Variants in GRM5 observed in about 807,000 individuals in gnomAD.
GRM5 encodes the protein metabotropic glutamate receptor 5.
Under a neutral mutation model 83.1 loss-of-function variants are expected in GRM5, and 19 were observed. The observed-to-expected ratio is 0.23, with a 90% CI of 0.16 to 0.34. The LOEUF is 0.34. GRM5 is among the 10% of genes least tolerant of loss of function. The pLI, the probability that GRM5 is intolerant of heterozygous loss-of-function variation, is 1.00. For missense variants in GRM5, 1,160 were observed against 1,588.3 expected (o/e 0.73, Z 4.58); for synonymous variants, 675 against 633.6 (o/e 1.07, Z -0.98).
chr11:88,843,045 T>A (rs1354529566), intron 3 of GRM5, among the ~76,000 whole-genome samples: 8 of 152,172 alleles, frequency 5.3e-5, no homozygotes, highest in African/African-American at 1.9e-4. Context: ...TAGAAGAAAA[T>A]TATGGACATG....
In GRM5 at chr11:88,802,101, T is replaced by C. The variant is rs79694105; in HGVS notation, c.911+47805A>G. Among the ~76,000 whole-genome samples the C allele has an allele frequency of 7.0e-3, 1,061 of 152,222 alleles. 14 individuals are homozygous for C. The highest frequency in any genetic ancestry group is 0.024 in the African/African-American group (1,001 of 41,552). On this transcript the variant is annotated intron_variant, in intron 3 of 9. Transcript: ENST00000305447. ...TCTATTTTTCCTGGGTTTCTTTGAT[T>C]TTATGCTTGCTTTCAAATCTTGCAG...
chr11:88,809,252 T>C (rs12272663), intron 3 of GRM5, among the ~76,000 whole-genome samples: 3,878 of 152,150 alleles, frequency 0.025, 174 homozygotes, highest in African/African-American at 0.089. Flanking sequence ...TAAGTCACTG[T>C]ATTTTCTTAT....
In GRM5 at chr11:88,690,573, GATAGGTAA is replaced by G. The variant is rs1403616200; in HGVS notation, c.912-37178_912-37171del. ...CTAAGGATCATCATAATTTGGCATT[GATAGGTAA>G]ATAACTAAATTCTGAAAACTGCTGA... On this transcript the variant is annotated intron_variant, in intron 3 of 9. Transcript: ENST00000305447. Among the ~76,000 whole-genome samples, 7 of 152,116 alleles carry G rather than the reference GATAGGTAA, an allele frequency of 4.6e-5. 1 individual carries two copies. The East Asian group carries it at 1.4e-3, about 29-fold the overall frequency.
At chr11:88,732,094 G>A (rs915746394) in intron 3 of GRM5, among the ~76,000 whole-genome samples, 16 of 152,008 alleles carry the variant, frequency 1.1e-4, no homozygotes, top group African/African-American at 3.4e-4. Flanking sequence ...CACCAACTTT[G>A]ACCACTCCTT....
intron 8 of GRM5, among the ~76,000 whole-genome samples, chr11:88,537,097 T>C (rs1453641945): frequency 6.6e-6 from 1 of 152,166 alleles, no homozygotes; most frequent in Non-Finnish European, 1.5e-5. Context: ...TACTTTTTCT[T>C]TATTTCATGC....
chr11:88,913,324 C>T (rs1029642565), intron 2 of GRM5, among the ~76,000 whole-genome samples: 3 of 152,084 alleles, frequency 2.0e-5, no homozygotes, highest in African/African-American at 7.2e-5. Flanking sequence ...CAATTCTCTG[C>T]CCTGCTCTGA....
chr11:88,823,915 A>T (rs1943846853), intron 3 of GRM5, among the ~76,000 whole-genome samples: 1 of 152,090 alleles, frequency 6.6e-6, no homozygotes, highest in African/African-American at 2.4e-5. Context: ...CTTATTGCTT[A>T]AACAAACTTT....
At chr11:88,594,390 A>G (rs1345942785) in intron 6 of GRM5, among the ~76,000 whole-genome samples, 1 of 152,232 alleles carries the variant, frequency 6.6e-6, no homozygotes, top group Non-Finnish European at 1.5e-5. Context: ...TTTGGGCCAT[A>G]CAGTCTCTAT....
chr11:88,811,605 A>G (rs1943589749), intron 3 of GRM5, among the ~76,000 whole-genome samples: 1 of 152,136 alleles, frequency 6.6e-6, no homozygotes, highest in African/African-American at 2.4e-5. Context: ...TGTAGAATGA[A>G]AGTAGAATGA....
At chr11:88,661,358 C>T (rs1225828853) in intron 3 of GRM5, among the ~76,000 whole-genome samples, 1 of 152,108 alleles carries the variant, frequency 6.6e-6, no homozygotes, top group African/African-American at 2.4e-5. Flanking sequence ...TTATAAATGA[C>T]TCTGAAAGGC....
intron 3 of GRM5, among the ~76,000 whole-genome samples, chr11:88,810,078 T>C (rs1378077294): frequency 6.6e-6 from 1 of 152,048 alleles, no homozygotes; most frequent in Non-Finnish European, 1.5e-5. Flanking sequence ...AGGACCTCTG[T>C]GCTTTGATTA....
chr11:88,576,138 C>A (rs11020496), intron 7 of GRM5, among the ~76,000 whole-genome samples: 1 of 152,026 alleles, frequency 6.6e-6, no homozygotes, highest in African/African-American at 2.4e-5. Flanking sequence ...AATAATAAAG[C>A]GTGCTGACTG....
intron 3 of GRM5, among the ~76,000 whole-genome samples, chr11:88,661,387 C>A (rs1165624195): frequency 6.6e-6 from 1 of 152,046 alleles, no homozygotes; most frequent in East Asian, 1.9e-4. Flanking sequence ...TTCCCCCGTG[C>A]AGAATGGTCC....
rs1942322718 is a variant in GRM5 at position 88,543,634 on chromosome 11, T to C, written c.2631-18230A>G. Among the ~76,000 whole-genome samples the C allele has an allele frequency of 4.2e-5, 4 of 94,978 alleles. No homozygotes were observed. In the South Asian group the frequency reaches 9.3e-4, roughly 22 times the overall value. 62.3% of individuals were successfully genotyped at this position (94,978 alleles called of 152,430 possible). A position where few individuals can be genotyped will look rare whatever the true frequency, so the allele number is the denominator to read the frequency against. On this transcript the variant is annotated intron_variant, in intron 8 of 9. Coordinates refer to ENST00000305447, the MANE Select transcript of GRM5 (RefSeq NM_001143831.3). ...CAGGACCCATACCATCATGTTATCC[T>C]TTTTTTTTTTTTTTTGAGGCCTTTC...
chr11:88,598,381 CTTATG>C (rs2135221049), intron 5 of GRM5, among the ~76,000 whole-genome samples: 1 of 151,988 alleles, frequency 6.6e-6, no homozygotes, highest in South Asian at 2.1e-4. Context: ...TCTATTGAAA[CTTATG>C]TTATAAAATG....
In GRM5 at chr11:88,930,972, T is replaced by C. The variant is rs1358668759; in HGVS notation, c.662-80817A>G. 2.6e-5 allele frequency among the ~76,000 whole-genome samples: 4 copies of C among 152,250 alleles called. No homozygotes were observed. In the East Asian group the frequency reaches 7.8e-4, roughly 30 times the overall value. On this transcript the variant is annotated intron_variant, in intron 2 of 9. Coordinates refer to ENST00000305447, the MANE Select transcript of GRM5 (RefSeq NM_001143831.3). ...TTAAAAAAAAATGGGAGATTGTAGT[T>C]GCTGATTTTATTATTTCTAGAGGTG...
At chr11:88,785,969 T>C (rs1323671925) in intron 3 of GRM5, among the ~76,000 whole-genome samples, 5 of 152,098 alleles carry the variant, frequency 3.3e-5, no homozygotes, top group African/African-American at 1.2e-4. Flanking sequence ...TTAGATAGGA[T>C]GCCCATTCAC....
intron 2 of GRM5, among the ~76,000 whole-genome samples, chr11:88,892,812 AT>A (rs1945168102): frequency 6.6e-6 from 1 of 152,030 alleles, no homozygotes; most frequent in South Asian, 2.1e-4. Flanking sequence ...GAAAATCTGG[AT>A]AAATATGCTA....
At position 88,991,454 on chromosome 11, in the gene GRM5, T is replaced by A. The variant is rs573599704; in HGVS notation, c.661+55758A>T. The stretch of plus-strand genomic sequence containing the variant: ...CATACTGCCCAAGGTAATTTATAGA[T>A]TCAATGCCATCCCCATCAAGCTACC... On this transcript the variant is annotated intron_variant, in intron 2 of 9. Transcript: ENST00000305447. Among the ~76,000 whole-genome samples the A allele has an allele frequency of 3.0e-3, 459 of 152,048 alleles. 3 individuals carry two copies. Among genetic ancestry groups the A allele is most frequent in the African/African-American group, 0.011 (438 of 41,370 alleles).
Sources: allele counts gnomAD v4.1 joint callset (sites outside exome capture counted in the v4.1 genomes callset), GRCh38; gene constraint gnomAD v4.1.1; transcripts MANE v1.5; gene names NCBI Gene and HGNC (gene_info 2026-07-23, HGNC 2026-07-21).